Variants in MVB12B observed in about 807,000 individuals in gnomAD.
MVB12B encodes the protein ESCRT-I complex subunit MVB12B.
MVB12B carries 16 observed loss-of-function variants against 41.6 expected under a neutral mutation model. The observed-to-expected ratio is 0.38, with a 90% confidence interval of 0.26 to 0.58. The LOEUF (loss-of-function observed/expected upper bound fraction) is 0.58. MVB12B is among the 20% of genes least tolerant of loss of function. MVB12B has a pLI of 0.62. For missense variants in MVB12B, 274 were observed against 380.2 expected, an observed-to-expected ratio of 0.72 and a Z score of 2.32; for synonymous variants, 133 against 139.7, an observed-to-expected ratio of 0.95 and a Z score of 0.34.
chr9:126,434,253 A>G (rs1321637698), intron 7 of MVB12B, among the ~76,000 whole-genome samples: 1 of 152,206 alleles, frequency 6.6e-6, no homozygotes, highest in East Asian at 1.9e-4. Flanking sequence ...TTTAAAAAAA[A>G]AAATCTTCAA....
chr9:126,423,100 T>C (rs1246481640), intron 7 of MVB12B, among the ~76,000 whole-genome samples: 3 of 152,222 alleles, frequency 2.0e-5, no homozygotes, highest in African/African-American at 7.2e-5. Flanking sequence ...AAAGATGACC[T>C]ATTTTGTAGA....
chr9:126,447,815 C>G (rs979962226), intron 7 of MVB12B, among the ~76,000 whole-genome samples: 10 of 152,176 alleles, frequency 6.6e-5, no homozygotes, highest in African/African-American at 2.4e-4. Context: ...TCATTTTGAT[C>G]ATTGGTTTTA....
chr9:126,499,407 G>T (rs533952520), intron 9 of MVB12B, among the ~76,000 whole-genome samples: 1 of 152,280 alleles, frequency 6.6e-6, no homozygotes, highest in African/African-American at 2.4e-5. Context: ...CGGGCTGTGC[G>T]GACCAAATGC....
chr9:126,345,223 C>A (rs1366371248), intron 2 of MVB12B, among the ~76,000 whole-genome samples: 4 of 152,230 alleles, frequency 2.6e-5, no homozygotes, highest in Non-Finnish European at 5.9e-5. Flanking sequence ...TTGCCTACCT[C>A]AGAAAAGCAT....
At chr9:126,484,407 G>A (rs1180018338) in intron 9 of MVB12B, among the ~76,000 whole-genome samples, 2 of 152,238 alleles carry the variant, frequency 1.3e-5, no homozygotes, top group Non-Finnish European at 2.9e-5. Flanking sequence ...TTTGCCACCA[G>A]GAGGGGTTTC....
At chr9:126,482,023 G>A (rs1314594986) in intron 8 of MVB12B, among the ~76,000 whole-genome samples, 1 of 152,196 alleles carries the variant, frequency 6.6e-6, no homozygotes, top group Non-Finnish European at 1.5e-5. Context: ...GCACTCTCAC[G>A]CAGGCCAGGC....
Position 126,392,012 on chromosome 9 carries a change from G to C in MVB12B, c.410-54G>C. 1 of 1,603,154 alleles carries C rather than the reference G, an allele frequency of 6.2e-7. No individual in the cohort carries two copies. ...GACAGGGGATGTGGTTTTCAGAATAGAGATTCTGGTATCTCTGGAAAACTC... is the reference window on the plus strand; with the variant it reads ...GACAGGGGATGTGGTTTTCAGAATACAGATTCTGGTATCTCTGGAAAACTC... On this transcript the variant is annotated intron_variant, in intron 4 of 9. Transcript: ENST00000361171. This position sits in a 1 kb window ranked among gnomAD's most constrained non-coding sequence, Gnocchi z 4.8.
At chr9:126,408,760 C>G (rs1053696897) in intron 6 of MVB12B, among the ~76,000 whole-genome samples, 1 of 151,808 alleles carries the variant, frequency 6.6e-6, no homozygotes, top group African/African-American at 2.4e-5. Flanking sequence ...TTTTTGGTCA[C>G]GTAGAATCAC....
intron 1 of MVB12B, among the ~76,000 whole-genome samples, chr9:126,335,055 G>C (rs1303261137): frequency 2.0e-5 from 3 of 152,212 alleles, no homozygotes; most frequent in South Asian, 4.1e-4. Context: ...CTTCTGTTGG[G>C]GGGGAAAGGA....
At chr9:126,453,094 TG>T (rs951566827) in intron 7 of MVB12B, among the ~76,000 whole-genome samples, 4 of 151,908 alleles carry the variant, frequency 2.6e-5, no homozygotes, top group Admixed American at 1.3e-4. Flanking sequence ...CCCGGGATTG[TG>T]GTAAAGACTA....
chr9:126,349,502 A>G (rs1487740346), intron 2 of MVB12B, among the ~76,000 whole-genome samples: 1 of 152,152 alleles, frequency 6.6e-6, no homozygotes, highest in Non-Finnish European at 1.5e-5. Flanking sequence ...CACTTCCCTT[A>G]TACTACCACC....
chr9:126,462,508 T>C (rs905061628), intron 7 of MVB12B, among the ~76,000 whole-genome samples: 1 of 152,244 alleles, frequency 6.6e-6, no homozygotes, highest in Non-Finnish European at 1.5e-5. Context: ...ACAGCAATTA[T>C]TATTTAGATT....
chr9:126,446,909 T>A, intron 7 of MVB12B, among the ~76,000 whole-genome samples: 1 of 125,196 alleles, frequency 8.0e-6, no homozygotes, highest in East Asian at 3.2e-4. Flanking sequence ...AATAAATTTT[T>A]ATCTGTATTA....
Position 126,487,776 on chromosome 9 carries a change from A to T in MVB12B, c.873+3744A>T, listed in dbSNP as rs530194604. On this transcript the variant is annotated intron_variant, in intron 9 of 9. Coordinates refer to ENST00000361171, the MANE Select transcript of MVB12B (RefSeq NM_033446.3). ...GGCGAGACTCCGTCTCAAAAAAAAA[A>T]AAAAAAATAACAAAACAGGTCTGTA... is the stretch of plus-strand genomic sequence containing the variant. 3.5e-4 allele frequency among the ~76,000 whole-genome samples: 53 copies of T among 152,130 alleles called. 1 individual carries two copies. In the South Asian group the frequency reaches 3.9e-3, roughly 11 times the overall value.
chr9:126,485,996 CT>C (rs1833612345), intron 9 of MVB12B, among the ~76,000 whole-genome samples: 1 of 151,956 alleles, frequency 6.6e-6, no homozygotes, highest in South Asian at 2.1e-4. Context: ...GGGGTTTTCT[CT>C]TGTGTACCCA....
intron 2 of MVB12B, among the ~76,000 whole-genome samples, chr9:126,346,543 G>T (rs1482240330): frequency 1.3e-5 from 2 of 152,120 alleles, no homozygotes; most frequent in African/African-American, 4.8e-5. Context: ...TGAGCTGCTT[G>T]TATGACATCT....
At chr9:126,426,868 C>A (rs1221623382) in intron 7 of MVB12B, 5 of 152,370 alleles carry the variant, frequency 3.3e-5, no homozygotes, top group Non-Finnish European at 7.3e-5. Context: ...AGCTGTCCTT[C>A]CTCATAAACA....
intron 3 of MVB12B, among the ~76,000 whole-genome samples, chr9:126,385,047 G>A (rs1236319084): frequency 6.6e-6 from 1 of 151,876 alleles, no homozygotes; most frequent in South Asian, 2.1e-4. Context: ...ATGTTTCCCA[G>A]GCTGGTCTCA....
chr9:126,496,258 C>CACCT (rs1176147743), intron 9 of MVB12B, among the ~76,000 whole-genome samples: 21 of 136,742 alleles, frequency 1.5e-4, no homozygotes, highest in Admixed American at 1.1e-3. Flanking sequence ...ACCATCCATC[C>CACCT]ACCTACCCAT....
Sources: gnomAD v4.1 joint callset for allele counts (sites outside exome capture counted in the v4.1 genomes callset) on GRCh38, gnomAD v4.1.1 for gene constraint, Gnocchi (gnomAD v3.1) non-coding constraint, MANE v1.5 for transcripts, NCBI Gene and HGNC (gene_info 2026-07-23, HGNC 2026-07-21) for gene names.